C10orf67: variants seen among roughly 807,000 people sequenced by gnomAD.
C10orf67 encodes uncharacterized protein C10orf67, mitochondrial.
A neutral mutation model predicts 35.6 loss-of-function variants in C10orf67; 60 were observed. The observed-to-expected ratio is 1.68, with a 90% CI of 1.37 to 2.09. The LOEUF is 2.09. C10orf67 is among the 30% of genes most tolerant of loss of function. The probability of loss-of-function intolerance (pLI) is 0.00; values close to 1 mark genes in which losing one functional copy is unlikely to be tolerated. For synonymous variants in C10orf67, 167 were observed against 115.8 expected (o/e 1.44, Z -2.84); for missense variants, 474 against 330.2 (o/e 1.44, Z -3.38).
chr10:23,343,871 G>A (rs1353583789), intron 1 of C10orf67: 1 of 462,764 alleles, frequency 2.2e-6, no homozygotes, highest in East Asian at 7.3e-5. Flanking sequence ...GGGCTCCGGG[G>A]CGGGCCGGCG....
chr10:23,291,179 T>G lies in C10orf67; in HGVS notation c.803A>C (p.Glu268Ala), dbSNP rs1843709816. The change falls in exon 6 of 16, where the codon GAG becomes GCG. Residue 268 changes from glutamate (E) to alanine (A), a missense_variant. Transcript: ENST00000636213. ...ENERLLQIIS[E>A]LEEEIQINLK... Reference sequence around the variant, plus strand: ...ATTGATCTGGATTTCTTCTTCAAGCTCTGAAATGATCTGAAGCAGCCTCTC... The same window carrying G: ...ATTGATCTGGATTTCTTCTTCAAGCGCTGAAATGATCTGAAGCAGCCTCTC... 1.4e-6 allele frequency: 1 copy of G among 716,632 alleles called. No homozygotes were observed. The highest frequency in any genetic ancestry group is 2.6e-6 in the Non-Finnish European group (1 of 384,920). 44.4% of individuals were successfully genotyped at this position (716,632 alleles called of 1,614,324 possible).
rs182225789 is a variant in C10orf67, at chr10:23,327,682, G to A, written c.328-5145C>T. 1.4e-3 allele frequency among the ~76,000 whole-genome samples: 209 copies of A among 152,060 alleles called. 2 individuals are homozygous for A. Among genetic ancestry groups the A allele is most frequent in the African/African-American group, 3.8e-3 (158 of 41,482 alleles). ...TCTACTAAAAATACAAAAATTATCC[G>A]GGCGTGGTGGCGTGCCCCTGTAATC... is the stretch of plus-strand genomic sequence containing the variant. On this transcript the variant is annotated intron_variant, in intron 2 of 15. Transcript: ENST00000636213.
At chr10:23,317,692 C>T (rs1050341576) in intron 4 of C10orf67, 1 of 152,096 alleles carries the variant, frequency 6.6e-6, no homozygotes, top group Non-Finnish European at 1.5e-5. Context: ...AAAATAAACA[C>T]AAGAATTTAG....
At chr10:23,215,373 A>C (rs1209997315) in intron 15 of C10orf67, among the ~76,000 whole-genome samples, 1 of 151,584 alleles carries the variant, frequency 6.6e-6, no homozygotes, top group Non-Finnish European at 1.5e-5. Flanking sequence ...GGCTCACTGC[A>C]ACCTCTGCCT....
Position 23,222,048 on chromosome 10 carries a change from C to G in C10orf67, c.1570+1550G>C, listed in dbSNP as rs192397430. Among the ~76,000 whole-genome samples the G allele has an allele frequency of 5.1e-4, 77 of 152,204 alleles. 1 individual carries two copies. The highest frequency in any genetic ancestry group is 1.2e-3 in the South Asian group (6 of 4,822). On this transcript the variant is annotated intron_variant, in intron 15 of 15. Coordinates refer to ENST00000636213, the MANE Select transcript of C10orf67 (RefSeq NM_001371909.1). ...TCAGAATTATGAGCCTTAGAGCACACTGTAAAATTATGGATCATAAAACAT... is the reference window on the plus strand; with the variant it reads ...TCAGAATTATGAGCCTTAGAGCACAGTGTAAAATTATGGATCATAAAACAT...
intron 7 of C10orf67, among the ~76,000 whole-genome samples, chr10:23,289,440 A>G (rs1029396584): frequency 4.1e-4 from 62 of 152,328 alleles, no homozygotes; most frequent in Non-Finnish European, 1.9e-4. Flanking sequence ...CTAGGATTAC[A>G]GGTGTGAACC....
chr10:23,263,542 G>A (rs1370305673), intron 10 of C10orf67, among the ~76,000 whole-genome samples: 1 of 152,096 alleles, frequency 6.6e-6, no homozygotes, highest in Non-Finnish European at 1.5e-5. Context: ...AAATTGCTTT[G>A]TATTGAGAAA....
intron 13 of C10orf67, among the ~76,000 whole-genome samples, chr10:23,225,469 C>T (rs906815646): frequency 1.3e-5 from 2 of 152,134 alleles, no homozygotes; most frequent in Admixed American, 1.3e-4. Flanking sequence ...AACCAACGAG[C>T]AAAATAACCA....
At position 23,277,197 on chromosome 10, in the gene C10orf67, G is replaced by C. The variant is rs1159771371; in HGVS notation, c.975+4816C>G. Among the ~76,000 whole-genome samples, 3 of 152,296 alleles carry C rather than the reference G, an allele frequency of 2.0e-5. No individual in the cohort carries two copies. The East Asian group carries it at 5.8e-4, about 29-fold the overall frequency. The stretch of plus-strand genomic sequence containing the variant: ...GCTACGTGATATTTATCATGGCAGA[G>C]AATACAGAAGCATCTACGAGAATTT... On this transcript the variant is annotated intron_variant, in intron 8 of 15. Coordinates refer to ENST00000636213, the MANE Select transcript of C10orf67 (RefSeq NM_001371909.1).
intron 7 of C10orf67, among the ~76,000 whole-genome samples, chr10:23,283,351 T>C (rs1289779045): frequency 6.6e-6 from 1 of 152,224 alleles, no homozygotes; most frequent in Non-Finnish European, 1.5e-5. Context: ...GTGATATGCA[T>C]TCAATTTAAT....
chr10:23,224,675 G>T (rs1414691081), intron 13 of C10orf67, among the ~76,000 whole-genome samples: 1 of 152,118 alleles, frequency 6.6e-6, no homozygotes, highest in Non-Finnish European at 1.5e-5. Context: ...GTGTAGAGAA[G>T]TCCTTAAAGG....
At chr10:23,202,493 T>C (rs1332533405), downstream of C10orf67, 1 of 151,150 alleles carries the variant, frequency 6.6e-6, no homozygotes, top group African/African-American at 2.4e-5. Context: ...GTAAGACTAA[T>C]GCAGCTGCAA....
At chr10:23,336,694 AG>A (rs1356308872) in intron 1 of C10orf67, among the ~76,000 whole-genome samples, 1 of 151,996 alleles carries the variant, frequency 6.6e-6, no homozygotes, top group East Asian at 1.9e-4. Context: ...TTGTATTTTT[AG>A]TAGAGATGAA....
chr10:23,232,294 C>A (rs1262462130), intron 13 of C10orf67, among the ~76,000 whole-genome samples: 2 of 152,032 alleles, frequency 1.3e-5, no homozygotes, highest in Non-Finnish European at 2.9e-5. Context: ...GACTTGACCC[C>A]AAATTAAGAG....
intron 10 of C10orf67, among the ~76,000 whole-genome samples, chr10:23,257,988 T>G (rs1842648650): frequency 6.6e-6 from 1 of 152,178 alleles, no homozygotes; most frequent in African/African-American, 2.4e-5. Context: ...ACAGGTTATT[T>G]CAATGTGTGA....
chr10:23,271,100 CAG>C (rs1843005515), intron 8 of C10orf67, among the ~76,000 whole-genome samples: 1 of 145,380 alleles, frequency 6.9e-6, no homozygotes, highest in Non-Finnish European at 1.5e-5. Context: ...AAAAGGAAAA[CAG>C]AAAAAAGTGG....
intron 5 of C10orf67, among the ~76,000 whole-genome samples, chr10:23,299,988 A>G (rs1844019611): frequency 6.6e-6 from 1 of 151,822 alleles, no homozygotes; most frequent in Non-Finnish European, 1.5e-5. Flanking sequence ...AAAAAAAAAA[A>G]AAAAAATTAC....
At chr10:23,263,725 A>C (rs1842812181) in intron 10 of C10orf67, among the ~76,000 whole-genome samples, 1 of 152,208 alleles carries the variant, frequency 6.6e-6, no homozygotes, top group Non-Finnish European at 1.5e-5. Flanking sequence ...TGCAACCATA[A>C]TTAACTAATT....
intron 13 of C10orf67, among the ~76,000 whole-genome samples, chr10:23,235,012 C>CAAAAAAAAAAAAAAAAAAAAACAAAAA (rs57049730): frequency 1.3e-5 from 1 of 76,050 alleles, no homozygotes; most frequent in Non-Finnish European, 2.6e-5. Context: ...AATTCCATCT[C>CAAAAAAAAAAAAAAAAAAAAACAAAAA]AAAAAAAAAA....
Sources: allele counts gnomAD v4.1 joint callset (sites outside exome capture counted in the v4.1 genomes callset), GRCh38; gene constraint gnomAD v4.1.1; transcripts MANE v1.5; gene names NCBI Gene and HGNC (gene_info 2026-07-23, HGNC 2026-07-21).